The following L3MBTL4 variants were observed in gnomAD, a reference collection of about 807,000 sequenced individuals.
The protein encoded by L3MBTL4 is L3MBTL histone methyl-lysine binding protein 4.
A neutral mutation model predicts 84.5 loss-of-function variants in L3MBTL4; 70 were observed. The ratio of observed to expected loss-of-function variants is 0.83; its 90% CI spans 0.68 to 1.01. The LOEUF (loss-of-function observed/expected upper bound fraction) is 1.01. Ranked by LOEUF, L3MBTL4 falls within the 50% of genes least tolerant of loss-of-function variation. The pLI, the probability that L3MBTL4 is intolerant of heterozygous loss-of-function variation, is 0.00. For synonymous variants in L3MBTL4, 274 were observed against 259.8 expected (o/e 1.05, Z -0.52); for missense variants, 715 against 754.8 (o/e 0.95, Z 0.62).
intron 5 of L3MBTL4, among the ~76,000 whole-genome samples, chr18:6,248,647 G>T (rs572564147): frequency 6.6e-6 from 1 of 152,194 alleles, no homozygotes; most frequent in East Asian, 1.9e-4. Flanking sequence ...TTATATGTAG[G>T]TTTTTCTTAT....
At chr18:6,046,539 G>A (rs1189684225) in intron 16 of L3MBTL4, among the ~76,000 whole-genome samples, 1 of 151,992 alleles carries the variant, frequency 6.6e-6, no homozygotes, top group Non-Finnish European at 1.5e-5. Context: ...AAAAAAATTA[G>A]TAATCATACC....
chr18:6,245,210 A>C (rs2047609397), intron 5 of L3MBTL4, among the ~76,000 whole-genome samples: 1 of 152,174 alleles, frequency 6.6e-6, no homozygotes, highest in African/African-American at 2.4e-5. Context: ...GAATTTTTTG[A>C]AAGAATTCAC....
At chr18:6,359,782 C>A (rs959594350) in intron 1 of L3MBTL4, among the ~76,000 whole-genome samples, 2 of 151,902 alleles carry the variant, frequency 1.3e-5, no homozygotes, top group Non-Finnish European at 2.9e-5. Flanking sequence ...GCTTTACAGA[C>A]TTATGTTTTC....
At chr18:6,343,172 A>G (rs1453178401) in intron 1 of L3MBTL4, among the ~76,000 whole-genome samples, 1 of 152,150 alleles carries the variant, frequency 6.6e-6, no homozygotes, top group Non-Finnish European at 1.5e-5. Context: ...ACTTTCAACA[A>G]CCCCTACTTC....
Position 6,171,939 on chromosome 18 carries a change from G to C in L3MBTL4, c.985C>G (p.His329Asp). 1 of 1,523,708 alleles carries C rather than the reference G, an allele frequency of 6.6e-7. No individual in the cohort carries two copies. The highest frequency in any genetic ancestry group is 8.9e-7 in the Non-Finnish European group (1 of 1,123,852). 94.4% of individuals were successfully genotyped at this position (1,523,708 alleles called of 1,614,324 possible). A position where few individuals can be genotyped will look rare whatever the true frequency, so the allele number is the denominator to read the frequency against. Reference protein sequence around the residue: ...VDVDDQRVKVHFDGWDHKYDY... With the variant: ...VDVDDQRVKVDFDGWDHKYDY... ...TACTTATGGTCCCAACCATCAAAAT[G>C]AACCTGTTAAAACGAGTTTTGAATG... Residue 329 changes from histidine to aspartate, a missense_variant, in exon 13 of 19, where the codon CAT becomes GAT. His to Asp is a moderately conservative substitution (Grantham distance 81, BLOSUM62 -1). Transcript: ENST00000317931.
At chr18:6,016,221 C>G (rs944275308) in intron 16 of L3MBTL4, among the ~76,000 whole-genome samples, 2 of 152,118 alleles carry the variant, frequency 1.3e-5, no homozygotes, top group African/African-American at 4.8e-5. Context: ...TCCGGGGGAG[C>G]AGCAGGGGCA....
intron 16 of L3MBTL4, among the ~76,000 whole-genome samples, chr18:6,053,349 C>T (rs1045325210): frequency 2.0e-5 from 3 of 152,072 alleles, no homozygotes; most frequent in African/African-American, 7.3e-5. Flanking sequence ...TGAAGATTTC[C>T]TGCTTATAAG....
intron 14 of L3MBTL4, among the ~76,000 whole-genome samples, chr18:6,099,087 C>T (rs945324723): frequency 2.0e-5 from 3 of 152,180 alleles, no homozygotes; most frequent in Non-Finnish European, 4.4e-5. Flanking sequence ...GCAGCTCTTT[C>T]GGAGGATTCT....
At chr18:6,014,539 A>C (rs1183677326) in intron 16 of L3MBTL4, among the ~76,000 whole-genome samples, 2 of 152,146 alleles carry the variant, frequency 1.3e-5, no homozygotes, top group African/African-American at 4.8e-5. Flanking sequence ...ACTGGCATCC[A>C]AATCTCGATT....
At chr18:6,237,561 T>G (rs2047266737) in intron 10 of L3MBTL4, among the ~76,000 whole-genome samples, 1 of 144,790 alleles carries the variant, frequency 6.9e-6, no homozygotes, top group African/African-American at 2.5e-5. Context: ...GTTCAAGCAA[T>G]TCTCCTGCCT....
chr18:6,149,029 T>G (rs2042771605), intron 13 of L3MBTL4, among the ~76,000 whole-genome samples: 1 of 152,024 alleles, frequency 6.6e-6, no homozygotes, highest in South Asian at 2.1e-4. Flanking sequence ...TATAAAGAAA[T>G]AAGAGGAGTT....
At chr18:5,972,899 GAATAGAATAGAAT>G (rs1567933905) in intron 16 of L3MBTL4, among the ~76,000 whole-genome samples, 190 of 11,238 alleles carry the variant, frequency 0.017, 5 homozygotes, top group East Asian at 0.06. Flanking sequence ...GAAGAGAATA[GAATAGAATAGAAT>G]AGAATAGAAT....
At chr18:6,390,584 T>C (rs1354734668) in intron 1 of L3MBTL4, among the ~76,000 whole-genome samples, 1 of 152,130 alleles carries the variant, frequency 6.6e-6, no homozygotes, top group African/African-American at 2.4e-5. Flanking sequence ...TTATTAGCTA[T>C]ATTAACCAAG....
chr18:6,084,166 C>T (rs1001615216), intron 15 of L3MBTL4, among the ~76,000 whole-genome samples: 1 of 152,108 alleles, frequency 6.6e-6, no homozygotes, highest in Non-Finnish European at 1.5e-5. Flanking sequence ...TCTAACTGTA[C>T]CTAGACACCT....
At chr18:6,214,601 C>T (rs2046247818) in intron 11 of L3MBTL4, among the ~76,000 whole-genome samples, 1 of 152,236 alleles carries the variant, frequency 6.6e-6, no homozygotes, top group African/African-American at 2.4e-5. Flanking sequence ...TGGTGTGTTT[C>T]TCTCCAGCTT....
Position 5,992,282 on chromosome 18 carries a change from T to TGGACAGAAGC in L3MBTL4, c.1445-22721_1445-22720insGCTTCTGTCC, listed in dbSNP as rs2053738369. On this transcript the variant is annotated intron_variant, in intron 16 of 18. Coordinates refer to ENST00000317931, the MANE Select transcript of L3MBTL4 (RefSeq NM_001330559.2). ...CCTGTTAGGCAGACGGGGCTTGAGG[T>TGGACAGAAGC]CTTTCAGGCAGAGGTACACATGGCG... is the stretch of plus-strand genomic sequence containing the variant. Among the ~76,000 whole-genome samples the TGGACAGAAGC allele has an allele frequency of 2.0e-5, 3 of 151,964 alleles. No individual in the cohort carries two copies. The South Asian group carries it at 6.2e-4, about 32-fold the overall frequency.
At chr18:6,248,647 G>C (rs572564147) in intron 5 of L3MBTL4, among the ~76,000 whole-genome samples, 1 of 152,076 alleles carries the variant, frequency 6.6e-6, no homozygotes, top group African/African-American at 2.4e-5. Context: ...TTATATGTAG[G>C]TTTTTCTTAT....
At chr18:6,272,442 A>G (rs2048921761) in intron 4 of L3MBTL4, among the ~76,000 whole-genome samples, 2 of 143,576 alleles carry the variant, frequency 1.4e-5, no homozygotes, top group Non-Finnish European at 3.1e-5. Flanking sequence ...TAAGGAACAC[A>G]GAACAGTTCT....
At chr18:6,313,414 C>CA (rs893442136) in intron 1 of L3MBTL4, among the ~76,000 whole-genome samples, 7 of 152,050 alleles carry the variant, frequency 4.6e-5, no homozygotes, top group African/African-American at 1.2e-4. Context: ...AAAAAATAAA[C>CA]AAAAAAACAC....
Sources: gnomAD v4.1 joint callset for allele counts (sites outside exome capture counted in the v4.1 genomes callset) on GRCh38, gnomAD v4.1.1 for gene constraint, MANE v1.5 for transcripts, NCBI Gene and HGNC (gene_info 2026-07-23, HGNC 2026-07-21) for gene names.